Variants in KLHDC2 observed in about 807,000 individuals in gnomAD.
KLHDC2 encodes kelch domain containing 2.
In KLHDC2, 38 loss-of-function variants were observed where a neutral mutation model predicts 62.3. The observed-to-expected ratio is 0.61, with a 90% CI of 0.47 to 0.80. The LOEUF is 0.80. KLHDC2 is among the 30% of genes least tolerant of loss of function. KLHDC2 has a pLI of 0.00. For synonymous variants in KLHDC2, 159 were observed against 161.0 expected, an observed-to-expected ratio of 0.99 and a Z score of 0.09; for missense variants, 430 against 495.3, an observed-to-expected ratio of 0.87 and a Z score of 1.25.
At chr14:49,770,984 T>G (rs1889651453) in intron 1 of KLHDC2, among the ~76,000 whole-genome samples, 1 of 152,224 alleles carries the variant, frequency 6.6e-6, no homozygotes, top group Non-Finnish European at 1.5e-5. Context: ...GCACAGGCAG[T>G]CTCCTGAAGT....
At position 49,768,401 on chromosome 14, in the gene KLHDC2, CT is replaced by C; in HGVS notation, c.-64del. 1 of 1,545,612 alleles carries C rather than the reference CT, an allele frequency of 6.5e-7. No individual in the cohort carries two copies. Among genetic ancestry groups the C allele is most frequent in the African/African-American group, 1.4e-5 (1 of 71,970 alleles). On this transcript the variant is annotated 5_prime_UTR_variant, in exon 1 of 13. Transcript: ENST00000298307. ...CCTCGCGCCGCTGTGCATTTCTCTCCTTTTCCTTTGTTTTTTTGGCCCCTCG... is the reference window on the plus strand; with the variant it reads ...CCTCGCGCCGCTGTGCATTTCTCTCCTTTCCTTTGTTTTTTTGGCCCCTCG...
Position 49,780,853 on chromosome 14 carries a change from C to A in KLHDC2, c.956+78C>A. On this transcript the variant is annotated intron_variant, in intron 10 of 12. Coordinates refer to ENST00000298307, the MANE Select transcript of KLHDC2 (RefSeq NM_014315.3). Reference sequence around the variant, plus strand: ...TTTTGGCTGCATTATATCCAGCATTCTTATTTATAAAAATCTCAGCATTCA... The same window carrying A: ...TTTTGGCTGCATTATATCCAGCATTATTATTTATAAAAATCTCAGCATTCA... The A allele has an allele frequency of 5.0e-6, 4 of 804,336 alleles. No individual in the cohort carries two copies. In the East Asian group the frequency reaches 9.8e-5, roughly 20 times the overall value. 49.8% of individuals were successfully genotyped at this position (804,336 alleles called of 1,614,324 possible).
At chr14:49,768,880 C>T (rs937734420) in intron 1 of KLHDC2, 48 of 457,322 alleles carry the variant, frequency 1.0e-4, no homozygotes, top group African/African-American at 8.1e-4. Context: ...ACTCCCACCC[C>T]CGTTGTTGCC....
chr14:49,782,472 T>C lies in KLHDC2; in HGVS notation c.1044+15T>C. The C allele has an allele frequency of 1.2e-6, 2 of 1,603,310 alleles. No homozygotes were observed. Among genetic ancestry groups the C allele is most frequent in the Non-Finnish European group, 1.7e-6 (2 of 1,172,300 alleles). ...ATCACAGAGCTGTAAGTATACTACC[T>C]TCACATTATTACTGAAACTTACTTG... On this transcript the variant is annotated intron_variant, in intron 11 of 12. Coordinates refer to ENST00000298307, the MANE Select transcript of KLHDC2 (RefSeq NM_014315.3).
In KLHDC2 at chr14:49,782,874, A is replaced by C. The variant is rs143008372; in HGVS notation, c.1142A>C (p.Asn381Thr). The C allele has an allele frequency of 1.3e-5, 21 of 1,613,752 alleles. No homozygotes were observed. Among genetic ancestry groups the C allele is most frequent in the Non-Finnish European group, 1.8e-5 (21 of 1,179,752 alleles). ...AVICFKEMLA[N>T]SWNCLPKHLL... ...ATTTGCTTTAAAGAAATGTTAGCCA[A>C]CTCATGGAACTGCCTTCCAAAACAC... The change falls in exon 13 of 13, where the codon AAC becomes ACC. Residue 381 changes from asparagine to threonine, a missense_variant. Coordinates refer to ENST00000298307, the MANE Select transcript of KLHDC2 (RefSeq NM_014315.3).
At chr14:49,780,443 A>T in intron 9 of KLHDC2, 121 bp downstream of exon 9, 1 of 724,792 alleles carries the variant, frequency 1.4e-6, no homozygotes, top group East Asian at 2.5e-5. Flanking sequence ...GTTTGAAATT[A>T]ATTTTGATCC....
Position 49,780,321 on chromosome 14 carries a change from A to G in KLHDC2, c.882A>G (p.Leu294=), listed in dbSNP as rs139321466. ...FGGFTTDKQP[L]SDAWTYCISK... ...GATTTACCACTGATAAACAGCCACT[A>G]AGTAAGTCCTTGAAAAATATGATAA... The change falls in exon 9 of 13, where the codon CTA becomes CTG. Residue 294 remains leucine, a splice_region_variant and synonymous_variant. Transcript: ENST00000298307. 978 of 1,538,222 alleles carry G rather than the reference A, an allele frequency of 6.4e-4. 6 individuals carry two copies. The highest frequency in any genetic ancestry group is 6.7e-5 in the Non-Finnish European group (75 of 1,111,184).
chr14:49,781,575 A>G (rs1310407302), intron 10 of KLHDC2, among the ~76,000 whole-genome samples: 2 of 151,876 alleles, frequency 1.3e-5, no homozygotes, highest in African/African-American at 2.4e-5. Context: ...CAAATAATAG[A>G]AAAATTAGCT....
chr14:49,781,186 G>GGT (rs1295030797), intron 10 of KLHDC2, among the ~76,000 whole-genome samples: 2 of 151,880 alleles, frequency 1.3e-5, no homozygotes, highest in Non-Finnish European at 2.9e-5. Context: ...TGGCCAACAT[G>GGT]GTGAAACCCC....
Position 49,785,473 on chromosome 14 carries a change from T to C in KLHDC2, c.*2520T>C. 4.9e-6 allele frequency: 3 copies of C among 616,798 alleles called. No individual in the cohort carries two copies. The highest frequency in any genetic ancestry group is 8.7e-6 in the Non-Finnish European group (3 of 343,538). The allele number at this position is 616,798 out of a possible 1,614,324, so 38.2% of individuals were successfully genotyped here. A position where few individuals can be genotyped will look rare whatever the true frequency, so the allele number is the denominator to read the frequency against. The stretch of plus-strand genomic sequence containing the variant: ...ACAGTGGTACTTAAACTCTGCTTCA[T>C]AGTTCCAAAGAGTTGAAGACCAATG... On this transcript the variant is annotated 3_prime_UTR_variant, in exon 13 of 13. Coordinates refer to ENST00000298307, the MANE Select transcript of KLHDC2 (RefSeq NM_014315.3).
intron 6 of KLHDC2, among the ~76,000 whole-genome samples, chr14:49,778,725 AC>A (rs1310457773): frequency 3.8e-4 from 57 of 150,888 alleles, no homozygotes; most frequent in African/African-American, 1.4e-3. Context: ...ATAATCTAAT[AC>A]TTTTTTTTTT....
chr14:49,768,776 T>C (rs1889599011), intron 1 of KLHDC2, 155 bp downstream of exon 1: 4 of 654,098 alleles, frequency 6.1e-6, no homozygotes, highest in South Asian at 4.4e-5. Context: ...GTTTTTTTTT[T>C]GCGCGCGGGA....
chr14:49,782,198 T>TATTG lies in KLHDC2; in HGVS notation c.957-165_957-162dup. ...GAAAATAATATCCAGATAAAATAGATATTGATTGATCTGCTTTTGCTACTT... is the reference window on the plus strand; with the variant it reads ...GAAAATAATATCCAGATAAAATAGATATTGATTGATTGATCTGCTTTTGCTACTT... On this transcript the variant is annotated intron_variant, in intron 10 of 12. Transcript: ENST00000298307. 13 of 544,566 alleles carry TATTG rather than the reference T, an allele frequency of 2.4e-5. No homozygotes were observed. The South Asian group carries it at 3.3e-4, about 14-fold the overall frequency. The allele number at this position is 544,566 out of a possible 1,614,324, so 33.7% of individuals were successfully genotyped here.
intron 1 of KLHDC2, among the ~76,000 whole-genome samples, chr14:49,770,685 T>C (rs561919276): frequency 7.3e-4 from 111 of 152,314 alleles, no homozygotes; most frequent in African/African-American, 2.4e-3. Flanking sequence ...TCTCATAACA[T>C]CAGCTACTTT....
At chr14:49,780,113 C>A in intron 8 of KLHDC2, 100 bp from the exon 9 acceptor site, 2 of 771,446 alleles carry the variant, frequency 2.6e-6, no homozygotes, top group South Asian at 3.3e-5. Context: ...AACTTAAGGT[C>A]TCTTTTTTCA....
Position 49,785,711 on chromosome 14 carries a change from A to C in KLHDC2, c.*2758A>C. 1 of 185,548 alleles carries C rather than the reference A, an allele frequency of 5.4e-6. No homozygotes were observed. The highest frequency in any genetic ancestry group is 1.1e-5 in the Non-Finnish European group (1 of 87,458). The allele number at this position is 185,548 out of a possible 1,614,324, so 11.5% of individuals were successfully genotyped here. ...AAGACCAGCCTAAGCAACATGGAGAAACACCATCTCTACAAAAAATATAAA... is the reference window on the plus strand; with the variant it reads ...AAGACCAGCCTAAGCAACATGGAGACACACCATCTCTACAAAAAATATAAA... On this transcript the variant is annotated 3_prime_UTR_variant, in exon 13 of 13. Coordinates refer to ENST00000298307, the MANE Select transcript of KLHDC2 (RefSeq NM_014315.3).
In KLHDC2 at chr14:49,777,972, C is replaced by A. The variant is rs374376240; in HGVS notation, c.467+18C>A. On this transcript the variant is annotated intron_variant, in intron 4 of 12. Coordinates refer to ENST00000298307, the MANE Select transcript of KLHDC2 (RefSeq NM_014315.3). ...AAAAACAAGTAAGTTGGCAGCACTACAGGTTTGGGTTTTTATGTGTAAAGT... is the reference window on the plus strand; with the variant it reads ...AAAAACAAGTAAGTTGGCAGCACTAAAGGTTTGGGTTTTTATGTGTAAAGT... The A allele has an allele frequency of 1.3e-6, 2 of 1,482,332 alleles. No homozygotes were observed. The highest frequency in any genetic ancestry group is 1.9e-6 in the Non-Finnish European group (2 of 1,067,884). The allele number at this position is 1,482,332 out of a possible 1,614,324, so 91.8% of individuals were successfully genotyped here. A position where few individuals can be genotyped will look rare whatever the true frequency, so the allele number is the denominator to read the frequency against.
Position 49,782,586 on chromosome 14 carries a change from T to C in KLHDC2, c.1089T>C (p.Ser363=), listed in dbSNP as rs570135999. ...TAATATTTTCAGTTCAACCAAAATC[T>C]CTTGTACGGTAAGTAACTTTGTACT... is the stretch of plus-strand genomic sequence containing the variant. ...EILIFSVQPK[S]LVRLSLEAVI... Residue 363 remains serine (S), a synonymous_variant, in exon 12 of 13, where the codon TCT becomes TCC. Coordinates refer to ENST00000298307, the MANE Select transcript of KLHDC2 (RefSeq NM_014315.3). 2.5e-6 allele frequency: 4 copies of C among 1,604,112 alleles called. No homozygotes were observed. Among genetic ancestry groups the C allele is most frequent in the African/African-American group, 1.3e-5 (1 of 74,622 alleles).
At position 49,771,579 on chromosome 14, in the gene KLHDC2, T is replaced by G; in HGVS notation, c.154-15T>G. The G allele has an allele frequency of 1.7e-6, 2 of 1,173,966 alleles. No individual in the cohort carries two copies. Among genetic ancestry groups the G allele is most frequent in the Non-Finnish European group, 2.5e-6 (2 of 791,592 alleles). The allele number at this position is 1,173,966 out of a possible 1,614,324, so 72.7% of individuals were successfully genotyped here. On this transcript the variant is annotated splice_polypyrimidine_tract_variant and intron_variant, in intron 1 of 12. Coordinates refer to ENST00000298307, the MANE Select transcript of KLHDC2 (RefSeq NM_014315.3). ...AAATACCAGTTTTTATATTTACAAT[T>G]TTTTTTATTCTTAGAGTAATCAAGT...
Sources: gnomAD v4.1 joint callset for allele counts (sites outside exome capture counted in the v4.1 genomes callset) on GRCh38, gnomAD v4.1.1 for gene constraint, MANE v1.5 for transcripts, NCBI Gene and HGNC (gene_info 2026-07-23, HGNC 2026-07-21) for gene names.